CDR2: variants seen among roughly 807,000 people sequenced by gnomAD.
CDR2 encodes cerebellar degeneration related protein 2, also known as cerebellar degeneration-related protein 2.
A neutral mutation model predicts 48.4 loss-of-function variants in CDR2; 34 were observed. The ratio of observed to expected loss-of-function variants is 0.70; its 90% confidence interval spans 0.53 to 0.94. The LOEUF is 0.94. Ranked by LOEUF, CDR2 falls within the 40% of genes least tolerant of loss-of-function variation. CDR2 has a pLI of 0.00. For synonymous variants in CDR2, 240 were observed against 219.7 expected, an observed-to-expected ratio of 1.09 and a Z score of -0.82; for missense variants, 498 against 549.5, an observed-to-expected ratio of 0.91 and a Z score of 0.94.
chr16:22,360,886 A>G (rs778844014), intron 2 of CDR2, among the ~76,000 whole-genome samples: 1 of 151,034 alleles, frequency 6.6e-6, no homozygotes, highest in Non-Finnish European at 1.5e-5. Context: ...AGTAGCTGGG[A>G]TTACAGGGAT....
Position 22,374,349 on chromosome 16 carries a change from TC to T in CDR2, c.-41del, listed in dbSNP as rs771750628. The T allele has an allele frequency of 5.6e-6, 8 of 1,434,782 alleles. No homozygotes were observed. In the African/African-American group the frequency reaches 1.2e-4, roughly 21 times the overall value. 88.9% of individuals were successfully genotyped at this position (1,434,782 alleles called of 1,614,324 possible). On this transcript the variant is annotated 5_prime_UTR_variant, in exon 1 of 5. Transcript: ENST00000268383. ...CTAGGGGCAGCGGCCCCCGCCGCCG[TC>T]CCGCCTCAGCCGCTGCCCCGGGCTC...
chr16:22,353,919 AT>A (rs1184238137), intron 2 of CDR2, among the ~76,000 whole-genome samples: 4 of 152,140 alleles, frequency 2.6e-5, no homozygotes, highest in African/African-American at 9.7e-5. Context: ...GAGGAAAAAA[AT>A]ATTTTTCCTC....
At chr16:22,349,204 A>G (rs1221404357) in intron 4 of CDR2, 75 bp downstream of exon 4, 8 of 1,494,526 alleles carry the variant, frequency 5.4e-6, no homozygotes, top group Non-Finnish European at 1.8e-6. Flanking sequence ...GGTACTTTCA[A>G]TCTACTGGAA....
At chr16:22,369,614 C>A (rs2049063838) in intron 1 of CDR2, among the ~76,000 whole-genome samples, 1 of 151,128 alleles carries the variant, frequency 6.6e-6, no homozygotes, top group African/African-American at 2.4e-5. Context: ...TAACAAGTCC[C>A]AACTACAAGA....
Position 22,374,268 on chromosome 16 carries a change from C to G in CDR2, c.42G>C (p.Glu14Asp), listed in dbSNP as rs142449417. The change falls in exon 1 of 5, where the codon GAG (glutamate) becomes GAC (aspartate). Residue 14 changes from glutamate (E) to aspartate (D), a missense_variant. Transcript: ENST00000268383. ...CCTGGTGGTCGTACCACGGCTCGTCCTCCTTCATCTCAAACTCCTCTACCA... is the reference window on the plus strand; with the variant it reads ...CCTGGTGGTCGTACCACGGCTCGTCGTCCTTCATCTCAAACTCCTCTACCA... ...ENLVEEFEMK[E>D]DEPWYDHQDL... 51 of 1,604,150 alleles carry G rather than the reference C, an allele frequency of 3.2e-5. No individual in the cohort carries two copies. The African/African-American group carries it at 6.0e-4, about 19-fold the overall frequency.
chr16:22,364,680 C>T (rs141554452), intron 2 of CDR2, among the ~76,000 whole-genome samples: 1 of 152,214 alleles, frequency 6.6e-6, no homozygotes, highest in Non-Finnish European at 1.5e-5. Flanking sequence ...CTGGCTAACA[C>T]AGTGAAACCC....
chr16:22,357,720 T>C (rs938225011), intron 2 of CDR2, among the ~76,000 whole-genome samples: 4 of 152,192 alleles, frequency 2.6e-5, no homozygotes, highest in Non-Finnish European at 5.9e-5. Flanking sequence ...CTCTTACAGA[T>C]AGGATGTTCA....
chr16:22,365,184 C>T, intron 1 of CDR2, 170 bp from the exon 2 acceptor site: 1 of 567,394 alleles, frequency 1.8e-6, no homozygotes, highest in South Asian at 2.1e-5. Flanking sequence ...CTGACGCCTC[C>T]AGCAGGTAAT....
In CDR2 at chr16:22,364,973, G is replaced by C; in HGVS notation, c.121C>G (p.Arg41Gly). 6.2e-7 allele frequency: 1 copy of C among 1,613,500 alleles called. No individual in the cohort carries two copies. Among genetic ancestry groups the C allele is most frequent in the Non-Finnish European group, 8.5e-7 (1 of 1,179,486 alleles). Reference protein sequence around the residue: ...AAELGKTLLDRNTELEDSVQQ... With the variant: ...AAELGKTLLDGNTELEDSVQQ... ...ACAGAGTCCTCCAACTCTGTGTTCC[G>C]ATCCAGTAATGTCTTCCCAAGCTCA... The change falls in exon 2 of 5, where the codon CGG becomes GGG. Residue 41 changes from arginine (R) to glycine (G), a missense_variant. Arg to Gly is a moderately radical substitution (Grantham distance 125). Transcript: ENST00000268383.
chr16:22,347,348 C>T lies in CDR2; in HGVS notation c.982G>A (p.Glu328Lys), dbSNP rs955578545. Residue 328 changes from glutamate (E) to lysine (K), a missense_variant, in exon 5 of 5, where the codon GAG becomes AAG. Physicochemically the swap from Glu to Lys is moderately conservative, Grantham distance 56 (BLOSUM62 1). Transcript: ENST00000268383. ...TTGGCCCTCCTGATGCAGGTCTCCT[C>T]GTGGCCCTTCACGATGTCACTCCCT... ...LAGSDIVKGH[E>K]ETCIRRAKAV... is the part of the protein sequence containing the mutation. 4 of 1,614,126 alleles carry T rather than the reference C, an allele frequency of 2.5e-6. No individual in the cohort carries two copies. Among genetic ancestry groups the T allele is most frequent in the African/African-American group, 2.7e-5 (2 of 74,944 alleles).
chr16:22,363,335 T>A (rs2049023223), intron 2 of CDR2, among the ~76,000 whole-genome samples: 1 of 152,182 alleles, frequency 6.6e-6, no homozygotes, highest in Non-Finnish European at 1.5e-5. Flanking sequence ...GACTTCAATA[T>A]CATTGCAAGC....
chr16:22,365,973 C>T (rs1490860878), intron 1 of CDR2, among the ~76,000 whole-genome samples: 2 of 152,142 alleles, frequency 1.3e-5, no homozygotes, highest in Non-Finnish European at 1.5e-5. Context: ...AGAGAGATGA[C>T]TGTCTTATCA....
At position 22,374,485 on chromosome 16, in the gene CDR2, C is replaced by T. The variant is rs954770756; in HGVS notation, c.-176G>A. 4.0e-6 allele frequency: 1 copy of T among 251,174 alleles called. No individual in the cohort carries two copies. Among genetic ancestry groups the T allele is most frequent in the East Asian group, 8.0e-5 (1 of 12,460 alleles). 15.6% of individuals were successfully genotyped at this position (251,174 alleles called of 1,614,324 possible). Reference sequence around the variant, plus strand: ...GTTCCCGCCGGCGGCCGCCGACCGGCCGGCTGCCTCGACTCGCCTCGCGCC... The same window carrying T: ...GTTCCCGCCGGCGGCCGCCGACCGGTCGGCTGCCTCGACTCGCCTCGCGCC... On this transcript the variant is annotated 5_prime_UTR_variant, in exon 1 of 5. Coordinates refer to ENST00000268383, the MANE Select transcript of CDR2 (RefSeq NM_001802.2).
At chr16:22,371,848 ATGTGTGTGTGTGTGTGTGTG>A (rs56274013) in intron 1 of CDR2, among the ~76,000 whole-genome samples, 12 of 148,554 alleles carry the variant, frequency 8.1e-5, no homozygotes, top group East Asian at 4.0e-4. Context: ...AGGTTCAGAT[ATGTGTGTGTGTGTGTGTGTG>A]TGTGTGTGTG....
chr16:22,355,362 G>A (rs1018956076), intron 2 of CDR2, among the ~76,000 whole-genome samples: 1 of 152,198 alleles, frequency 6.6e-6, no homozygotes, highest in Non-Finnish European at 1.5e-5. Context: ...GGGGGATGCA[G>A]TTCTCCTGGC....
In CDR2 at chr16:22,354,949, T is replaced by A. The variant is rs145072727; in HGVS notation, c.193-5100A>T. Among the ~76,000 whole-genome samples, 4 of 152,212 alleles carry A rather than the reference T, an allele frequency of 2.6e-5. No homozygotes were observed. In the East Asian group the frequency reaches 7.7e-4, roughly 29 times the overall value. On this transcript the variant is annotated intron_variant, in intron 2 of 4. Coordinates refer to ENST00000268383, the MANE Select transcript of CDR2 (RefSeq NM_001802.2). Reference sequence around the variant, plus strand: ...GTGGATAATCTCAAACATATATACATGCAGAGAAATGGTTTAATGAACTCC... The same window carrying A: ...GTGGATAATCTCAAACATATATACAAGCAGAGAAATGGTTTAATGAACTCC...
chr16:22,363,564 G>A (rs1230207252), intron 2 of CDR2, among the ~76,000 whole-genome samples: 2 of 152,184 alleles, frequency 1.3e-5, no homozygotes, highest in Non-Finnish European at 2.9e-5. Flanking sequence ...TGAATTCCCA[G>A]CACCTGGTTC....
At position 22,347,058 on chromosome 16, in the gene CDR2, C is replaced by G. The variant is rs372824567; in HGVS notation, c.1272G>C (p.Ala424=). ...TGCAACTAAAGATCTCCTTAAACAA[C>G]GCTTTGTATTCTGGAGGTGTTGTAG... ...SSPTTPPEYK[A]LFKEIFSCIK... is the part of the protein sequence containing the mutation. The change falls in exon 5 of 5, where the codon GCG becomes GCC. Residue 424 remains alanine, a synonymous_variant. Coordinates refer to ENST00000268383, the MANE Select transcript of CDR2 (RefSeq NM_001802.2). 41 of 1,614,094 alleles carry G rather than the reference C, an allele frequency of 2.5e-5. No homozygotes were observed. The highest frequency in any genetic ancestry group is 1.3e-5 in the African/African-American group (1 of 74,930).
In CDR2 at chr16:22,366,420, A is replaced by G. The variant is rs115983946; in HGVS notation, c.80-1406T>C. ...CTAAAGAGAAAAAAATAAAGCAAGG[A>G]AGAAGTACAGGAGGAGTGTGGATGT... On this transcript the variant is annotated intron_variant, in intron 1 of 4. Transcript: ENST00000268383. 3.4e-3 allele frequency among the ~76,000 whole-genome samples: 512 copies of G among 152,326 alleles called. 4 individuals are homozygous for G. Among genetic ancestry groups the G allele is most frequent in the African/African-American group, 0.012 (490 of 41,566 alleles).
Sources: allele counts gnomAD v4.1 joint callset (sites outside exome capture counted in the v4.1 genomes callset), GRCh38; gene constraint gnomAD v4.1.1; transcripts MANE v1.5; gene names NCBI Gene and HGNC (gene_info 2026-07-23, HGNC 2026-07-21).